The following FRMD4B variants were observed in gnomAD, a reference collection of about 807,000 sequenced individuals.
The protein encoded by FRMD4B is FERM domain-containing protein 4B.
A neutral mutation model predicts 141.5 loss-of-function variants in FRMD4B; 74 were observed. That is an observed-to-expected ratio of 0.52 (90% CI 0.43 to 0.63). FRMD4B has a LOEUF of 0.63. Ranked by LOEUF, FRMD4B falls within the 30% of genes least tolerant of loss-of-function variation. The pLI is 0.00. For missense variants in FRMD4B, 1,366 were observed against 1,253.4 expected, an observed-to-expected ratio of 1.09 and a Z score of -1.36; for synonymous variants, 506 against 467.9, an observed-to-expected ratio of 1.08 and a Z score of -1.05.
At chr3:69,286,297 A>G (rs950691320) in intron 5 of FRMD4B, among the ~76,000 whole-genome samples, 1 of 152,228 alleles carries the variant, frequency 6.6e-6, no homozygotes, top group Non-Finnish European at 1.5e-5. Flanking sequence ...TTGAATATTT[A>G]CACAAAAATA....
rs77657695 is a variant in FRMD4B, at chr3:69,203,473, T to C, written c.877-4699A>G. Among the ~76,000 whole-genome samples, 52 of 152,328 alleles carry C rather than the reference T, an allele frequency of 3.4e-4. No individual in the cohort carries two copies. The East Asian group carries it at 8.9e-3, about 26-fold the overall frequency. On this transcript the variant is annotated intron_variant, in intron 11 of 22. Coordinates refer to ENST00000398540, the MANE Select transcript of FRMD4B (RefSeq NM_015123.3). The stretch of plus-strand genomic sequence containing the variant: ...TCCATTTCTTTTCCATCAACAGATA[T>C]TTCTTGAGTGCCGTGTATGTTTGAG...
chr3:69,258,247 T>C (rs2093504738), intron 5 of FRMD4B, among the ~76,000 whole-genome samples: 1 of 152,194 alleles, frequency 6.6e-6, no homozygotes, highest in South Asian at 2.1e-4. Flanking sequence ...GTTACAGGCG[T>C]GAGCCACTGC....
intron 2 of FRMD4B, among the ~76,000 whole-genome samples, chr3:69,401,902 C>A (rs1575788902): frequency 6.6e-6 from 1 of 152,164 alleles, no homozygotes; most frequent in Non-Finnish European, 1.5e-5. Flanking sequence ...AGAGGAGATA[C>A]AACCACTGTA....
intron 9 of FRMD4B, among the ~76,000 whole-genome samples, chr3:69,219,970 A>G (rs1360332577): frequency 2.0e-5 from 3 of 152,200 alleles, no homozygotes; most frequent in Non-Finnish European, 4.4e-5. Context: ...TTGTATGGCT[A>G]CATAGTATTC....
intron 1 of FRMD4B, among the ~76,000 whole-genome samples, chr3:69,485,791 C>A (rs946580689): frequency 6.6e-6 from 1 of 152,218 alleles, no homozygotes; most frequent in African/African-American, 2.4e-5. Flanking sequence ...TGCGACGCAG[C>A]CCAGCCCCAT....
intron 1 of FRMD4B, among the ~76,000 whole-genome samples, chr3:69,374,295 G>T (rs746526418): frequency 1.3e-5 from 2 of 152,164 alleles, no homozygotes; most frequent in Non-Finnish European, 2.9e-5. Flanking sequence ...TCGTATAGCC[G>T]ATAAGTGATG....
chr3:69,192,526 A>T (rs1227368010), intron 17 of FRMD4B, among the ~76,000 whole-genome samples: 3 of 152,214 alleles, frequency 2.0e-5, no homozygotes, highest in East Asian at 3.9e-4. Context: ...ATAAACATGT[A>T]AGGTCAATTG....
At chr3:69,228,960 T>C (rs573624581) in intron 7 of FRMD4B, among the ~76,000 whole-genome samples, 1 of 151,878 alleles carries the variant, frequency 6.6e-6, no homozygotes, top group South Asian at 2.1e-4. Context: ...ACAAGTAATT[T>C]AGGCAAATTA....
intron 1 of FRMD4B, among the ~76,000 whole-genome samples, chr3:69,473,117 T>A (rs981673607): frequency 6.6e-6 from 1 of 152,002 alleles, no homozygotes; most frequent in Non-Finnish European, 1.5e-5. Context: ...GGAATGAAGG[T>A]TGGAGGAAAA....
chr3:69,411,987 T>C, intron 2 of FRMD4B, among the ~76,000 whole-genome samples: 1 of 152,256 alleles, frequency 6.6e-6, no homozygotes, highest in East Asian at 1.9e-4. Context: ...GAAATTGCAT[T>C]TCTTTCTAGA....
chr3:69,307,679 G>A (rs541584149), intron 3 of FRMD4B, among the ~76,000 whole-genome samples: 1 of 152,224 alleles, frequency 6.6e-6, no homozygotes, highest in East Asian at 1.9e-4. Flanking sequence ...CTTACAGTCT[G>A]AACCCCTTAC....
At chr3:69,324,770 T>A (rs1186589863) in intron 1 of FRMD4B, among the ~76,000 whole-genome samples, 1 of 152,162 alleles carries the variant, frequency 6.6e-6, no homozygotes, top group African/African-American at 2.4e-5. Context: ...CTCACTTCTC[T>A]TTACCCAGGA....
rs148423650 is a variant in FRMD4B at position 69,515,606 on chromosome 3, C to T, written c.-129+26600G>A. ...CCATTGAGATCTCTTTCATTAGGCT[C>T]CTGTGTTCCTTTGATGTATTCCCAT... On this transcript the variant is annotated intron_variant, in intron 1 of 5. Coordinates refer to the FRMD4B transcript ENST00000459638. Among the ~76,000 whole-genome samples the T allele has an allele frequency of 2.0e-4, 30 of 152,192 alleles. No individual in the cohort carries two copies. In the East Asian group the frequency reaches 5.6e-3, roughly 28 times the overall value.
intron 1 of FRMD4B, among the ~76,000 whole-genome samples, chr3:69,376,586 A>G (rs1246198426): frequency 1.4e-5 from 2 of 140,918 alleles, no homozygotes; most frequent in African/African-American, 5.5e-5. Context: ...ATGACTAAAA[A>G]GGACATTAGG....
At chr3:69,295,365 G>A (rs527481498) in intron 4 of FRMD4B, among the ~76,000 whole-genome samples, 4 of 151,784 alleles carry the variant, frequency 2.6e-5, no homozygotes, top group Admixed American at 2.0e-4. Flanking sequence ...TCTGCTGCCC[G>A]GGCTAGAGTG....
intron 7 of FRMD4B, among the ~76,000 whole-genome samples, chr3:69,230,440 C>G (rs1350098073): frequency 6.6e-6 from 1 of 151,992 alleles, no homozygotes; most frequent in African/African-American, 2.4e-5. Context: ...CCTAGAGAAA[C>G]TTATATACAA....
At chr3:69,281,097 A>G (rs1441943438) in intron 5 of FRMD4B, among the ~76,000 whole-genome samples, 1 of 151,814 alleles carries the variant, frequency 6.6e-6, no homozygotes, top group South Asian at 2.1e-4. Context: ...TGCCCGGCTA[A>G]TGTTTTTTGT....
At chr3:69,345,955 G>C (rs1702924747) in intron 1 of FRMD4B, among the ~76,000 whole-genome samples, 1 of 152,128 alleles carries the variant, frequency 6.6e-6, no homozygotes, top group Non-Finnish European at 1.5e-5. Context: ...GCAGCTACTT[G>C]CCAGCAATGC....
chr3:69,513,336 T>C (rs926900038), intron 1 of FRMD4B, among the ~76,000 whole-genome samples: 3 of 152,180 alleles, frequency 2.0e-5, no homozygotes, highest in African/African-American at 7.2e-5. Flanking sequence ...ACACACAACC[T>C]ATCAAGACTG....
Sources: allele counts gnomAD v4.1 joint callset (sites outside exome capture counted in the v4.1 genomes callset), GRCh38; gene constraint gnomAD v4.1.1; transcripts MANE v1.5; gene names NCBI Gene and HGNC (gene_info 2026-07-23, HGNC 2026-07-21).